Variants in CHFR observed in about 807,000 individuals in gnomAD.
CHFR encodes checkpoint with forkhead and ring finger domains, also known as E3 ubiquitin-protein ligase CHFR.
CHFR carries 57 observed loss-of-function variants against 87.6 expected under a neutral mutation model. That is an observed-to-expected ratio of 0.65 (90% CI 0.53 to 0.81). The LOEUF is 0.81. Ranked by LOEUF, CHFR falls within the 30% of genes least tolerant of loss-of-function variation. The pLI is 0.00. For synonymous variants in CHFR, 381 were observed against 359.2 expected (o/e 1.06, Z -0.69); for missense variants, 797 against 865.8 (o/e 0.92, Z 1.00).
intron 2 of CHFR, among the ~76,000 whole-genome samples, chr12:132,885,538 G>C (rs1487323892): frequency 4.6e-5 from 7 of 152,038 alleles, no homozygotes; most frequent in African/African-American, 1.7e-4. Context: ...TAAAGTTTTT[G>C]CTGGCAACAT....
In CHFR at chr12:132,838,945, T is replaced by A. The variant is rs1950668960; in HGVS notation, c.*2609A>T. Reference sequence around the variant, plus strand: ...TGCCCTGCTCCCAAGGCCTCCTCCCTCACATCACAGCCAAACCCAAGCTGT... The same window carrying A: ...TGCCCTGCTCCCAAGGCCTCCTCCCACACATCACAGCCAAACCCAAGCTGT... On this transcript the variant is annotated 3_prime_UTR_variant, in exon 18 of 18. Transcript: ENST00000450056. The A allele has an allele frequency of 6.6e-6, 1 of 152,422 alleles. No individual in the cohort carries two copies. The highest frequency in any genetic ancestry group is 1.5e-5 in the Non-Finnish European group (1 of 68,192). 9.4% of individuals were successfully genotyped at this position (152,422 alleles called of 1,614,324 possible). A position where few individuals can be genotyped will look rare whatever the true frequency, so the allele number is the denominator to read the frequency against.
chr12:132,857,107 C>T (rs28563944), intron 9 of CHFR, among the ~76,000 whole-genome samples: 19,337 of 118,610 alleles, frequency 0.16, 2,284 homozygotes, highest in Non-Finnish European at 0.25. Context: ...AGGGACAGCC[C>T]TCACGTGCCC....
Position 132,839,212 on chromosome 12 carries a change from C to CT in CHFR, c.*2341dup, listed in dbSNP as rs1402095148. ...GAAGAGTGAGTATCAACCGATCTCT[C>CT]TAAGACACAGACGCAGGGTAGCCCC... is the stretch of plus-strand genomic sequence containing the variant. On this transcript the variant is annotated 3_prime_UTR_variant, in exon 18 of 18. Coordinates refer to ENST00000450056, the MANE Select transcript of CHFR (RefSeq NM_001161346.2). 2 of 160,092 alleles carry CT rather than the reference C, an allele frequency of 1.2e-5. No homozygotes were observed. Among genetic ancestry groups the CT allele is most frequent in the African/African-American group, 4.8e-5 (2 of 41,448 alleles). 9.9% of individuals were successfully genotyped at this position (160,092 alleles called of 1,614,324 possible). A position where few individuals can be genotyped will look rare whatever the true frequency, so the allele number is the denominator to read the frequency against.
In CHFR at chr12:132,877,640, A is replaced by T. The variant is rs776467669; in HGVS notation, c.148T>A (p.Phe50Ile). The stretch of plus-strand genomic sequence containing the variant: ...CCAGAGACCAGTTTATTGCTGGGGA[A>T]GGAAAGGTCGCAACCTAAAAAAGAG... ...IGRRRGCDLSFPSNKLVSGDH... is the reference protein window; with the variant it reads ...IGRRRGCDLSIPSNKLVSGDH... The change falls in exon 3 of 18, where the codon TTC (phenylalanine) becomes ATC (isoleucine). Residue 50 changes from phenylalanine to isoleucine, a missense_variant. By Grantham distance (21) the Phe-to-Ile change is conservative. This residue lies in a region of CHFR where 597 missense variants were observed against 601.2 expected (regional missense o/e 0.99). Coordinates refer to ENST00000450056, the MANE Select transcript of CHFR (RefSeq NM_001161346.2). The T allele has an allele frequency of 2.5e-6, 4 of 1,612,714 alleles. No individual in the cohort carries two copies. Among genetic ancestry groups the T allele is most frequent in the Non-Finnish European group, 2.5e-6 (3 of 1,179,362 alleles).
At chr12:132,861,672 C>T in intron 6 of CHFR, 38 bp from the exon 7 acceptor site, 1 of 1,599,168 alleles carries the variant, frequency 6.3e-7, no homozygotes, top group Non-Finnish European at 8.6e-7. Context: ...GCTGATCCAT[C>T]CAGCTCAGGA....
chr12:132,865,704 G>A (rs1395113078), intron 6 of CHFR, among the ~76,000 whole-genome samples: 2 of 138,342 alleles, frequency 1.4e-5, no homozygotes, highest in East Asian at 2.1e-4. Flanking sequence ...TTGTTGCCAA[G>A]GCTGGAGTGC....
intron 8 of CHFR, among the ~76,000 whole-genome samples, chr12:132,858,727 A>AAAC (rs1951141620): frequency 3.1e-5 from 1 of 32,254 alleles, no homozygotes; most frequent in African/African-American, 1.5e-4. Flanking sequence ...ACTCCATCTA[A>AAAC]AAAAAAAAAA....
intron 2 of CHFR, among the ~76,000 whole-genome samples, chr12:132,886,685 T>C (rs934893477): frequency 1.3e-5 from 2 of 152,218 alleles, no homozygotes; most frequent in Non-Finnish European, 2.9e-5. Context: ...GGACTTGAGA[T>C]CTTTTTTAAT....
intron 6 of CHFR, among the ~76,000 whole-genome samples, chr12:132,864,642 C>T (rs1347288328): frequency 6.6e-6 from 1 of 152,138 alleles, no homozygotes; most frequent in East Asian, 1.9e-4. Context: ...GCGCCCGCAA[C>T]CACACTTGGC....
At position 132,844,077 on chromosome 12, in the gene CHFR, C is replaced by T. The variant is rs1950757414; in HGVS notation, c.1793G>A (p.Arg598His). Residue 598 changes from arginine to histidine, a missense_variant, in exon 16 of 18, where the codon CGT (arginine) becomes CAT (histidine). This residue lies in a region of CHFR where 200 missense variants were observed against 264.6 expected (regional missense o/e 0.76). Transcript: ENST00000450056. ...CTGCCGATACTGATAGGTCAGCTCA[C>T]GGAAGCTGCGCAGGCCACAGCAGTA... ...LCYCCGLRSF[R>H]ELTYQYRQNI... 1.9e-6 allele frequency: 3 copies of T among 1,613,736 alleles called. No homozygotes were observed. Among genetic ancestry groups the T allele is most frequent in the African/African-American group, 2.7e-5 (2 of 74,908 alleles).
chr12:132,875,951 G>C (rs916216369), intron 3 of CHFR, among the ~76,000 whole-genome samples: 1 of 152,162 alleles, frequency 6.6e-6, no homozygotes, highest in African/African-American at 2.4e-5. Flanking sequence ...GAGGCAGGCA[G>C]ATCACCTGAG....
At chr12:132,851,783 G>T in intron 11 of CHFR, 46 bp from the exon 12 acceptor site, 1 of 1,581,830 alleles carries the variant, frequency 6.3e-7, no homozygotes, top group Non-Finnish European at 8.6e-7. Context: ...ACCCAGGGCA[G>T]AAAGACAGCA....
intron 3 of CHFR, among the ~76,000 whole-genome samples, chr12:132,873,655 A>G (rs1951547881): frequency 7.7e-6 from 1 of 130,398 alleles, no homozygotes; most frequent in African/African-American, 3.0e-5. Context: ...GCTGGAGTGC[A>G]CACGGACTTG....
At chr12:132,846,513 G>A (rs982288335) in intron 15 of CHFR, among the ~76,000 whole-genome samples, 5 of 151,148 alleles carry the variant, frequency 3.3e-5, no homozygotes, top group Admixed American at 6.6e-5. Flanking sequence ...CTCATGATCC[G>A]CCCGCCTCAG....
intron 12 of CHFR, chr12:132,849,633 T>G (rs1366199562): frequency 6.6e-6 from 1 of 151,834 alleles, no homozygotes; most frequent in Non-Finnish European, 1.5e-5. Flanking sequence ...TCTTGCTCTG[T>G]GGCCTAGGCT....
At chr12:132,870,109 T>C (rs1192739015) in intron 5 of CHFR, among the ~76,000 whole-genome samples, 12 of 151,216 alleles carry the variant, frequency 7.9e-5, no homozygotes, top group Admixed American at 6.6e-4. Context: ...TCCCAGCACT[T>C]TGGGAGGCTG....
chr12:132,869,537 C>T (rs1951435943), intron 6 of CHFR, 82 bp downstream of exon 6: 1 of 1,320,444 alleles, frequency 7.6e-7, no homozygotes. Flanking sequence ...AGTCGCTTAT[C>T]TGCCTCTGTA....
At chr12:132,856,808 G>A in intron 9 of CHFR, 178 bp from the exon 10 acceptor site, 1 of 763,470 alleles carries the variant, frequency 1.3e-6, no homozygotes, top group Non-Finnish European at 2.3e-6. Context: ...TGCTGGTGTG[G>A]ATGCCCTCAC....
intron 2 of CHFR, among the ~76,000 whole-genome samples, chr12:132,886,171 G>A (rs1455258555): frequency 6.6e-6 from 1 of 152,090 alleles, no homozygotes; most frequent in African/African-American, 2.4e-5. Context: ...AATTAGCCAG[G>A]CATGGTGGCG....
Sources: allele counts gnomAD v4.1 joint callset (sites outside exome capture counted in the v4.1 genomes callset), GRCh38; gene constraint gnomAD v4.1.1; regional missense constraint gnomAD v4.1.1; transcripts MANE v1.5; gene names NCBI Gene and HGNC (gene_info 2026-07-23, HGNC 2026-07-21).